The following ZMYM4 variants were observed in gnomAD, a reference collection of about 807,000 sequenced individuals.
ZMYM4 encodes zinc finger MYM-type protein 4.
Under a neutral mutation model 183.2 loss-of-function variants are expected in ZMYM4, and 31 were observed. The observed-to-expected ratio is 0.17, with a 90% CI of 0.13 to 0.23. The LOEUF is 0.23. Ranked by LOEUF, ZMYM4 falls within the 10% of genes least tolerant of loss-of-function variation. The pLI, the probability that ZMYM4 is intolerant of heterozygous loss-of-function variation, is 1.00. For synonymous variants in ZMYM4, 592 were observed against 631.2 expected (o/e 0.94, Z 0.93); for missense variants, 1,273 against 1,840.3 (o/e 0.69, Z 5.64).
At chr1:35,334,579 C>A (rs969348552) in intron 2 of ZMYM4, among the ~76,000 whole-genome samples, 3 of 151,984 alleles carry the variant, frequency 2.0e-5, no homozygotes, top group African/African-American at 7.3e-5. Context: ...ATATCTTTTG[C>A]CCTTTAAAAA....
chr1:35,361,850 A>G (rs1189444784), intron 5 of ZMYM4, 61 bp downstream of exon 5: 2 of 1,553,562 alleles, frequency 1.3e-6, no homozygotes, highest in African/African-American at 1.4e-5. Context: ...TATTCATTTG[A>G]GAGAGGAAGT....
intron 1 of ZMYM4, among the ~76,000 whole-genome samples, chr1:35,299,341 G>A (rs142400480): frequency 1.3e-3 from 192 of 152,246 alleles, no homozygotes; most frequent in Admixed American, 2.1e-3. Context: ...CAAACAAAGC[G>A]GGAAAAGAAT....
chr1:35,371,230 C>T (rs1644206479), intron 7 of ZMYM4, among the ~76,000 whole-genome samples: 1 of 151,982 alleles, frequency 6.6e-6, no homozygotes, highest in African/African-American at 2.4e-5. Context: ...ATTCTCCTGC[C>T]TCGGCCTCCT....
At chr1:35,304,611 A>G (rs1570305457) in intron 1 of ZMYM4, among the ~76,000 whole-genome samples, 1 of 150,418 alleles carries the variant, frequency 6.6e-6, no homozygotes, top group Non-Finnish European at 1.5e-5. Flanking sequence ...AGCGTGTGCC[A>G]CAATGCCTGG....
rs940107623 is a variant in ZMYM4, at chr1:35,389,572, G to A, written c.2437-376G>A. ...GATCGAGACCATCCTGGCTAACATG[G>A]TGAAACCCCGTCTCTACTAAAAATA... is the stretch of plus-strand genomic sequence containing the variant. On this transcript the variant is annotated intron_variant, in intron 14 of 29. Transcript: ENST00000314607. The surrounding 1 kb of genome is among the most constrained non-coding windows in gnomAD (Gnocchi z 4.0). Among the ~76,000 whole-genome samples the A allele has an allele frequency of 1.3e-5, 2 of 151,960 alleles. No individual in the cohort carries two copies. Among genetic ancestry groups the A allele is most frequent in the Non-Finnish European group, 2.9e-5 (2 of 67,978 alleles).
At position 35,401,839 on chromosome 1, in the gene ZMYM4, C is replaced by T. The variant is rs572893345; in HGVS notation, c.3528+2263C>T. On this transcript the variant is annotated intron_variant, in intron 23 of 29. Coordinates refer to ENST00000314607, the MANE Select transcript of ZMYM4 (RefSeq NM_005095.3). ...TTTGAATATGGACATCCAGTTGTTC[C>T]AGCACTGCCCTTGAAAAAGACTATT... Among the ~76,000 whole-genome samples the T allele has an allele frequency of 2.6e-5, 4 of 152,214 alleles. No homozygotes were observed. The South Asian group carries it at 8.3e-4, about 32-fold the overall frequency.
chr1:35,318,909 G>C (rs1017698142), intron 1 of ZMYM4, among the ~76,000 whole-genome samples: 2 of 151,982 alleles, frequency 1.3e-5, no homozygotes, highest in Non-Finnish European at 2.9e-5. Flanking sequence ...TTTTTGAGAC[G>C]GAGTTTCGCT....
At chr1:35,293,849 A>G (rs1256356622) in intron 1 of ZMYM4, among the ~76,000 whole-genome samples, 1 of 152,132 alleles carries the variant, frequency 6.6e-6, no homozygotes, top group African/African-American at 2.4e-5. Context: ...TCTGTGGAAT[A>G]CTTGAATTAT....
chr1:35,410,269 G>A (rs1464207175), intron 26 of ZMYM4, among the ~76,000 whole-genome samples: 3 of 152,136 alleles, frequency 2.0e-5, no homozygotes, highest in Non-Finnish European at 2.9e-5. Context: ...GAAGGCACAA[G>A]TATCTAAACT....
chr1:35,367,860 C>G (rs1644124521), intron 5 of ZMYM4, among the ~76,000 whole-genome samples: 1 of 152,042 alleles, frequency 6.6e-6, no homozygotes, highest in Non-Finnish European at 1.5e-5. Flanking sequence ...CCTGTAATCT[C>G]AGCTACTGGG....
At chr1:35,308,582 G>A (rs564507692) in intron 1 of ZMYM4, among the ~76,000 whole-genome samples, 2 of 152,210 alleles carry the variant, frequency 1.3e-5, no homozygotes, top group South Asian at 2.1e-4. Context: ...ATGATAAGAC[G>A]GGTGTGGTGG....
chr1:35,332,880 A>G (rs1642814870), intron 2 of ZMYM4, among the ~76,000 whole-genome samples: 1 of 151,868 alleles, frequency 6.6e-6, no homozygotes, highest in African/African-American at 2.4e-5. Flanking sequence ...TTTTTTTTGT[A>G]GAAATGGGTC....
At chr1:35,338,861 T>TA (rs1202007642) in intron 2 of ZMYM4, among the ~76,000 whole-genome samples, 2 of 152,268 alleles carry the variant, frequency 1.3e-5, no homozygotes, top group Non-Finnish European at 2.9e-5. Context: ...ACAATAAACT[T>TA]ACCAGTTATA....
intron 1 of ZMYM4, among the ~76,000 whole-genome samples, chr1:35,315,735 C>G (rs1441301088): frequency 2.0e-5 from 3 of 151,744 alleles, no homozygotes; most frequent in African/African-American, 7.3e-5. Context: ...GGGTTTGGGA[C>G]CAGAATTGGC....
chr1:35,411,640 C>G (rs1225936160), intron 26 of ZMYM4, among the ~76,000 whole-genome samples: 1 of 152,142 alleles, frequency 6.6e-6, no homozygotes, highest in East Asian at 1.9e-4. Context: ...AGAAAAAGGT[C>G]ATTGGATTTT....
At position 35,420,077 on chromosome 1, in the gene ZMYM4, CT is replaced by C; in HGVS notation, c.*401del. 1 of 274,252 alleles carries C rather than the reference CT, an allele frequency of 3.6e-6. No homozygotes were observed. Among genetic ancestry groups the C allele is most frequent in the South Asian group, 4.5e-5 (1 of 22,456 alleles). 17.0% of individuals were successfully genotyped at this position (274,252 alleles called of 1,614,324 possible). ...CTGCAATAGGCTACTTTGGCAAGCCCTCCGTAAAAGTCAGAGGAGAGATCAG... is the reference window on the plus strand; with the variant it reads ...CTGCAATAGGCTACTTTGGCAAGCCCCCGTAAAAGTCAGAGGAGAGATCAG... On this transcript the variant is annotated 3_prime_UTR_variant, in exon 30 of 30. Transcript: ENST00000314607.
At position 35,420,531 on chromosome 1, in the gene ZMYM4, C is replaced by T. The variant is rs1640289746; in HGVS notation, c.*854C>T. The T allele has an allele frequency of 6.6e-6, 1 of 152,634 alleles. No homozygotes were observed. Among genetic ancestry groups the T allele is most frequent in the South Asian group, 2.1e-4 (1 of 4,838 alleles). 9.5% of individuals were successfully genotyped at this position (152,634 alleles called of 1,614,324 possible). ...CTGTCTCACAGCCTGAGCTGTGGTA[C>T]AGAGAAATGGGGGTTCTCCTTTTAT... On this transcript the variant is annotated 3_prime_UTR_variant, in exon 30 of 30. Coordinates refer to ENST00000314607, the MANE Select transcript of ZMYM4 (RefSeq NM_005095.3).
Position 35,351,355 on chromosome 1 carries a change from A to G in ZMYM4, c.86-7570A>G, listed in dbSNP as rs1255393037. The G allele has an allele frequency of 5.1e-6, 8 of 1,571,832 alleles. No individual in the cohort carries two copies. The East Asian group carries it at 1.8e-4, about 35-fold the overall frequency. On this transcript the variant is annotated intron_variant, in intron 2 of 29. Coordinates refer to ENST00000314607, the MANE Select transcript of ZMYM4 (RefSeq NM_005095.3). Reference sequence around the variant, plus strand: ...GCAGATTACATGCACTACTTAATGAAAGAAGATGAAGATGCTTACAAGAAA... The same window carrying G: ...GCAGATTACATGCACTACTTAATGAGAGAAGATGAAGATGCTTACAAGAAA...
chr1:35,403,035 TTC>T (rs1215927722), intron 23 of ZMYM4, among the ~76,000 whole-genome samples: 10 of 152,206 alleles, frequency 6.6e-5, no homozygotes, highest in Non-Finnish European at 1.3e-4. Flanking sequence ...GTTGAAGAAG[TTC>T]CCCTTCTCCT....
Sources: gnomAD v4.1 joint callset for allele counts (sites outside exome capture counted in the v4.1 genomes callset) on GRCh38, gnomAD v4.1.1 for gene constraint, Gnocchi (gnomAD v3.1) non-coding constraint, MANE v1.5 for transcripts, NCBI Gene and HGNC (gene_info 2026-07-23, HGNC 2026-07-21) for gene names.